PEPD: variants seen among roughly 807,000 people sequenced by gnomAD.
PEPD encodes the protein peptidase D.
A neutral mutation model predicts 60.7 loss-of-function variants in PEPD; 53 were observed. The observed-to-expected ratio is 0.87, with a 90% CI of 0.70 to 1.10. PEPD has a LOEUF of 1.10. Ranked by LOEUF, PEPD falls within the 50% of genes least tolerant of loss-of-function variation. The pLI, the probability that PEPD is intolerant of heterozygous loss-of-function variation, is 0.00. For missense variants in PEPD, 711 were observed against 711.9 expected (o/e 1.00, Z 0.01); for synonymous variants, 267 against 284.1 (o/e 0.94, Z 0.60).
intron 2 of PEPD, chr19:33,511,510 C>T: frequency 2.8e-6 from 1 of 353,464 alleles, no homozygotes; most frequent in Non-Finnish European, 5.5e-6. Flanking sequence ...GGCAAGACGC[C>T]CCCCGGATTC....
intron 1 of PEPD, 31 bp from the exon 2 acceptor site, chr19:33,512,807 A>C (rs1239547207): frequency 1.2e-6 from 2 of 1,612,270 alleles, no homozygotes. Context: ...ACCGCCACAC[A>C]GGCCTCTGTT....
chr19:33,449,979 T>C (rs924103864), intron 9 of PEPD, among the ~76,000 whole-genome samples: 4 of 152,342 alleles, frequency 2.6e-5, no homozygotes, highest in African/African-American at 9.6e-5. Flanking sequence ...ATGCCCCCGC[T>C]TGGGTGCAGG....
intron 4 of PEPD, 131 bp downstream of exon 4, chr19:33,500,807 G>A (rs937441162): frequency 2.1e-5 from 16 of 756,604 alleles, no homozygotes; most frequent in Admixed American, 5.1e-5. Flanking sequence ...CACCTGCGGC[G>A]CAGGGACTGG....
At chr19:33,489,478 A>C (rs946097219) in intron 6 of PEPD, among the ~76,000 whole-genome samples, 4 of 152,068 alleles carry the variant, frequency 2.6e-5, no homozygotes, top group African/African-American at 9.7e-5. Context: ...AAAATACAAA[A>C]ATTAGCCGGG....
chr19:33,393,721 G>A (rs958857675), intron 12 of PEPD, among the ~76,000 whole-genome samples: 3 of 152,212 alleles, frequency 2.0e-5, no homozygotes, highest in African/African-American at 4.8e-5. Context: ...TGTTCCTGGG[G>A]GTGTGCGCCA....
chr19:33,470,644 C>T (rs12459381), intron 7 of PEPD, among the ~76,000 whole-genome samples: 60,096 of 151,960 alleles, frequency 0.4, 12,536 homozygotes, highest in African/African-American at 0.53. Flanking sequence ...GACAGGGTCC[C>T]AGCACCGGCA....
rs915953276 is a variant in PEPD at position 33,519,363 on chromosome 19, C to T, written c.17+2381G>A. Among the ~76,000 whole-genome samples the T allele has an allele frequency of 3.9e-5, 6 of 152,320 alleles. No individual in the cohort carries two copies. The East Asian group carries it at 1.2e-3, about 29-fold the overall frequency. On this transcript the variant is annotated intron_variant, in intron 1 of 14. Coordinates refer to ENST00000244137, the MANE Select transcript of PEPD (RefSeq NM_000285.4). ...CTCCCCAAATCATATGGGGCACACC[C>T]CAGTCACCTGGAACTCTCATGGACC...
At chr19:33,514,934 T>C (rs1191326360) in intron 1 of PEPD, among the ~76,000 whole-genome samples, 3 of 152,056 alleles carry the variant, frequency 2.0e-5, no homozygotes, top group Non-Finnish European at 4.4e-5. Flanking sequence ...CAACTCTCCT[T>C]AGTGGCCCCC....
intron 9 of PEPD, among the ~76,000 whole-genome samples, chr19:33,441,749 TTTCCAC>T: frequency 6.6e-6 from 1 of 152,354 alleles, no homozygotes; most frequent in African/African-American, 2.4e-5. Flanking sequence ...AGGCAGTCTC[TTTCCAC>T]TTCATCAGGC....
intron 9 of PEPD, among the ~76,000 whole-genome samples, chr19:33,451,325 AAAATTAGAAACT>A (rs1271521912): frequency 2.0e-5 from 3 of 152,242 alleles, no homozygotes; most frequent in African/African-American, 7.2e-5. Context: ...TTTTTTAAGG[AAAATTAGAAACT>A]TAAAATTGTT....
intron 9 of PEPD, among the ~76,000 whole-genome samples, chr19:33,422,616 C>T (rs931698029): frequency 7.1e-6 from 1 of 139,964 alleles, no homozygotes; most frequent in South Asian, 2.2e-4. Context: ...TCCATCCATC[C>T]ATCCCTCTAT....
chr19:33,401,408 G>A (rs191269206), intron 12 of PEPD, among the ~76,000 whole-genome samples: 1 of 152,324 alleles, frequency 6.6e-6, no homozygotes, highest in East Asian at 1.9e-4. Context: ...AGTAGACACC[G>A]CTTAAGGACA....
intron 6 of PEPD, among the ~76,000 whole-genome samples, chr19:33,485,491 T>TAAAAAAAAAAAAAAAAAAAAAAAAAAAA (rs908651690): frequency 3.6e-5 from 4 of 110,966 alleles, no homozygotes; most frequent in African/African-American, 1.5e-4. Context: ...AGACTCTGTC[T>TAAAAAAAAAAAAAAAAAAAAAAAAAAAA]AAAAAAAAAA....
chr19:33,402,792 G>C (rs1968529942), intron 11 of PEPD, among the ~76,000 whole-genome samples: 1 of 152,332 alleles, frequency 6.6e-6, no homozygotes, highest in African/African-American at 2.4e-5. Flanking sequence ...GAGGGGCCTG[G>C]GGGCCAGCAG....
intron 9 of PEPD, among the ~76,000 whole-genome samples, chr19:33,426,257 T>G (rs1969145897): frequency 6.6e-6 from 1 of 152,204 alleles, no homozygotes; most frequent in African/African-American, 2.4e-5. Flanking sequence ...TCACCCCTTC[T>G]AGAAAAAGCA....
At chr19:33,492,344 CAG>C (rs1292443803) in intron 5 of PEPD, among the ~76,000 whole-genome samples, 3 of 152,290 alleles carry the variant, frequency 2.0e-5, no homozygotes, top group South Asian at 4.2e-4. Flanking sequence ...ACCCCTTTAA[CAG>C]GGGAGACAGA....
At chr19:33,498,341 T>A (rs1047720651) in intron 4 of PEPD, among the ~76,000 whole-genome samples, 1 of 152,164 alleles carries the variant, frequency 6.6e-6, no homozygotes, top group Non-Finnish European at 1.5e-5. Context: ...AATGAGCCGG[T>A]CTCTGTGCTG....
intron 6 of PEPD, among the ~76,000 whole-genome samples, chr19:33,486,427 A>G (rs1970398106): frequency 6.6e-6 from 1 of 150,520 alleles, no homozygotes; most frequent in Non-Finnish European, 1.5e-5. Context: ...CCCCAAACTC[A>G]CAAGCCCCTA....
At chr19:33,452,475 A>G (rs1170146053) in intron 9 of PEPD, among the ~76,000 whole-genome samples, 1 of 152,204 alleles carries the variant, frequency 6.6e-6, no homozygotes, top group Non-Finnish European at 1.5e-5. Flanking sequence ...GAGTTTGACC[A>G]ACAGTAGAAC....
Sources: allele counts gnomAD v4.1 joint callset (sites outside exome capture counted in the v4.1 genomes callset), GRCh38; gene constraint gnomAD v4.1.1; transcripts MANE v1.5; gene names NCBI Gene and HGNC (gene_info 2026-07-23, HGNC 2026-07-21).